Variants in MOSMO observed in about 807,000 individuals in gnomAD.
The protein encoded by MOSMO is modulator of smoothened.
Under a neutral mutation model 18.4 loss-of-function variants are expected in MOSMO, and 5 were observed. The observed-to-expected ratio is 0.27, with a 90% CI of 0.14 to 0.57. MOSMO has a LOEUF of 0.57. Among genes scored for constraint, MOSMO ranks in the 20% least tolerant of loss-of-function variants. The probability of loss-of-function intolerance (pLI) is 0.92; values close to 1 mark genes in which losing one functional copy is unlikely to be tolerated. For missense variants in MOSMO, 138 were observed against 211.8 expected (o/e 0.65, Z 2.16); for synonymous variants, 82 against 82.3 (o/e 1.00, Z 0.02).
At chr16:22,047,672 A>G (rs1193245832) in intron 1 of MOSMO, among the ~76,000 whole-genome samples, 1 of 152,138 alleles carries the variant, frequency 6.6e-6, no homozygotes, top group Non-Finnish European at 1.5e-5. Context: ...TGTGGGTTGC[A>G]TATGTAAAAA....
Position 22,008,449 on chromosome 16 carries a change from G to A in MOSMO, c.106+42G>A, listed in dbSNP as rs777480153. On this transcript the variant is annotated intron_variant, in intron 1 of 2. Coordinates refer to ENST00000542527, the MANE Select transcript of MOSMO (RefSeq NM_001164579.2). ...CCGGGCCGGGCGGGGGATTGGCTGAGGGCGACGCGAGAGAGGGGAGACCCG... is the reference window on the plus strand; with the variant it reads ...CCGGGCCGGGCGGGGGATTGGCTGAAGGCGACGCGAGAGAGGGGAGACCCG... 2.9e-4 allele frequency: 356 copies of A among 1,247,982 alleles called. 1 individual carries two copies. The highest frequency in any genetic ancestry group is 4.9e-4 in the Admixed American group (19 of 38,622). The allele number at this position is 1,247,982 out of a possible 1,614,324, so 77.3% of individuals were successfully genotyped here.
intron 1 of MOSMO, among the ~76,000 whole-genome samples, chr16:22,010,784 G>C (rs148347560): frequency 6.6e-6 from 1 of 152,236 alleles, no homozygotes; most frequent in East Asian, 1.9e-4. Context: ...AGCCGGGCGC[G>C]GTGGTGCATG....
intron 1 of MOSMO, among the ~76,000 whole-genome samples, chr16:22,032,280 C>A (rs553033666): frequency 6.6e-6 from 1 of 151,140 alleles, no homozygotes; most frequent in East Asian, 2.0e-4. Context: ...ATCTCTGCCT[C>A]CCAGCTTCAA....
At chr16:22,009,341 C>A (rs2141973884) in intron 1 of MOSMO, among the ~76,000 whole-genome samples, 1 of 152,214 alleles carries the variant, frequency 6.6e-6, no homozygotes, top group South Asian at 2.1e-4. Context: ...TGTACCACCA[C>A]GGAGCTGTGG....
intron 1 of MOSMO, among the ~76,000 whole-genome samples, chr16:22,012,401 A>G (rs556617951): frequency 2.0e-5 from 3 of 152,312 alleles, no homozygotes; most frequent in South Asian, 4.1e-4. Flanking sequence ...TAACTGAGTT[A>G]ACCCATGTCA....
At position 22,024,015 on chromosome 16, in the gene MOSMO, A is replaced by ATATATATATATATATATATATT. The variant is rs915616422; in HGVS notation, c.106+15609_106+15610insATATATATATATATATATATTT. On this transcript the variant is annotated intron_variant, in intron 1 of 2. Transcript: ENST00000542527. ...GTACAAATTATATATATATATATAT[A>ATATATATATATATATATATATT]TTTTCTTAAGAAACTTAGTTTATCC... is the stretch of plus-strand genomic sequence containing the variant. 6.6e-5 allele frequency among the ~76,000 whole-genome samples: 9 copies of ATATATATATATATATATATATT among 136,390 alleles called. No homozygotes were observed. The East Asian group carries it at 3.2e-3, about 49-fold the overall frequency. 89.5% of individuals were successfully genotyped at this position (136,390 alleles called of 152,430 possible).
intron 1 of MOSMO, among the ~76,000 whole-genome samples, chr16:22,027,695 C>CA (rs1170092690): frequency 6.6e-6 from 1 of 152,074 alleles, no homozygotes; most frequent in Non-Finnish European, 1.5e-5. Context: ...GAATTTAGGA[C>CA]AAAAATAGAT....
intron 1 of MOSMO, among the ~76,000 whole-genome samples, chr16:22,022,840 C>T (rs1899793457): frequency 6.6e-6 from 1 of 152,156 alleles, no homozygotes; most frequent in Non-Finnish European, 1.5e-5. Context: ...AGAACCGGAC[C>T]TTGCTGGCAC....
At chr16:22,064,652 G>A (rs1320196188) in intron 1 of MOSMO, among the ~76,000 whole-genome samples, 19 of 152,160 alleles carry the variant, frequency 1.2e-4, no homozygotes, top group South Asian at 4.1e-4. Context: ...TTCATAGTGT[G>A]TAATGTAAAT....
intron 1 of MOSMO, among the ~76,000 whole-genome samples, chr16:22,071,408 T>G (rs1359153748): frequency 1.3e-5 from 2 of 152,248 alleles, no homozygotes; most frequent in East Asian, 3.8e-4. Context: ...CTGGTGGCCG[T>G]GCGCCTTTCT....
At chr16:22,066,937 T>G (rs1900758888) in intron 1 of MOSMO, among the ~76,000 whole-genome samples, 1 of 152,206 alleles carries the variant, frequency 6.6e-6, no homozygotes, top group South Asian at 2.1e-4. Context: ...GACATTGGAC[T>G]TACTAGACAG....
intron 1 of MOSMO, among the ~76,000 whole-genome samples, chr16:22,056,991 A>G (rs1235382338): frequency 1.3e-5 from 2 of 152,082 alleles, no homozygotes; most frequent in Non-Finnish European, 1.5e-5. Flanking sequence ...AGTTTTTTCT[A>G]TTTCCCTTCC....
At chr16:22,058,218 G>A (rs375637339) in intron 1 of MOSMO, among the ~76,000 whole-genome samples, 20 of 152,146 alleles carry the variant, frequency 1.3e-4, no homozygotes, top group African/African-American at 4.8e-4. Flanking sequence ...ACAAGGTCAG[G>A]CGTTTAGGAC....
rs552346182 is a variant in MOSMO, at chr16:22,065,473, T to C, written c.107-10014T>C. Among the ~76,000 whole-genome samples, 3 of 152,216 alleles carry C rather than the reference T, an allele frequency of 2.0e-5. No individual in the cohort carries two copies. In the South Asian group the frequency reaches 6.2e-4, roughly 32 times the overall value. ...TGTGTGTGGTCATCAATCTGAATAA[T>C]ATACTAAAAAGTTGAACAGGGAAGT... is the stretch of plus-strand genomic sequence containing the variant. On this transcript the variant is annotated intron_variant, in intron 1 of 2. Coordinates refer to ENST00000542527, the MANE Select transcript of MOSMO (RefSeq NM_001164579.2).
chr16:22,035,473 C>T (rs1284034453), intron 1 of MOSMO, among the ~76,000 whole-genome samples: 1 of 150,926 alleles, frequency 6.6e-6, no homozygotes, highest in Non-Finnish European at 1.5e-5. Flanking sequence ...AATGTGCCCT[C>T]ACTCTCCTTG....
intron 1 of MOSMO, among the ~76,000 whole-genome samples, chr16:22,018,466 C>A (rs1274945938): frequency 6.6e-6 from 1 of 152,062 alleles, no homozygotes; most frequent in African/African-American, 2.4e-5. Context: ...GAGATATGAC[C>A]ATTTGATTTA....
At chr16:22,074,847 G>C (rs1900932739) in intron 1 of MOSMO, among the ~76,000 whole-genome samples, 1 of 152,194 alleles carries the variant, frequency 6.6e-6, no homozygotes, top group South Asian at 2.1e-4. Flanking sequence ...ACAAAAATTG[G>C]TGAATATACC....
At chr16:22,037,170 T>C (rs1900125560) in intron 1 of MOSMO, among the ~76,000 whole-genome samples, 1 of 152,088 alleles carries the variant, frequency 6.6e-6, no homozygotes, top group African/African-American at 2.4e-5. Flanking sequence ...CTGGAAAGGC[T>C]GAGGTGGGAG....
rs541738400 is a variant in MOSMO at position 22,022,386 on chromosome 16, T to C, written c.106+13979T>C. 2.6e-5 allele frequency among the ~76,000 whole-genome samples: 4 copies of C among 152,272 alleles called. No homozygotes were observed. The East Asian group carries it at 7.7e-4, about 29-fold the overall frequency. On this transcript the variant is annotated intron_variant, in intron 1 of 2. Transcript: ENST00000542527. The stretch of plus-strand genomic sequence containing the variant: ...CCCTGATACCTGGATTGCTATCTTC[T>C]TCCAGCTCAGTGCACTAAGAGTATC...
Sources: gnomAD v4.1 joint callset for allele counts (sites outside exome capture counted in the v4.1 genomes callset) on GRCh38, gnomAD v4.1.1 for gene constraint, MANE v1.5 for transcripts, NCBI Gene and HGNC (gene_info 2026-07-23, HGNC 2026-07-21) for gene names.